ARHGAP28: variants seen among roughly 807,000 people sequenced by gnomAD.
ARHGAP28 encodes the protein Rho GTPase activating protein 28, also known as rho GTPase-activating protein 28.
In ARHGAP28, 56 loss-of-function variants were observed where a neutral mutation model predicts 90.7. The ratio of observed to expected loss-of-function variants is 0.62; its 90% confidence interval spans 0.50 to 0.77. ARHGAP28 has a LOEUF of 0.77. Ranked by LOEUF, ARHGAP28 falls within the 30% of genes least tolerant of loss-of-function variation. The pLI is 0.00. For synonymous variants in ARHGAP28, 308 were observed against 323.3 expected, an observed-to-expected ratio of 0.95 and a Z score of 0.51; for missense variants, 869 against 900.9, an observed-to-expected ratio of 0.96 and a Z score of 0.45.
intron 16 of ARHGAP28, among the ~76,000 whole-genome samples, chr18:6,907,170 A>G (rs111908781): frequency 3.5e-4 from 53 of 152,326 alleles, no homozygotes; most frequent in African/African-American, 1.3e-3. Flanking sequence ...ATACAGGCAA[A>G]GATACAGAGA....
intron 1 of ARHGAP28, among the ~76,000 whole-genome samples, chr18:6,742,160 T>C (rs2055983737): frequency 7.2e-6 from 1 of 139,338 alleles, no homozygotes; most frequent in Non-Finnish European, 1.6e-5. Context: ...TTTTTTCTTT[T>C]TTCTTTTTCT....
intron 1 of ARHGAP28, among the ~76,000 whole-genome samples, chr18:6,739,291 A>T (rs4132206): frequency 0.27 from 41,246 of 152,042 alleles, 6,425 homozygotes; most frequent in South Asian, 0.33. Flanking sequence ...TGCATAGTAG[A>T]GGTTATAAAT....
At chr18:6,870,428 T>C (rs997636144) in intron 6 of ARHGAP28, among the ~76,000 whole-genome samples, 162 bp from the exon 7 acceptor site, 2 of 152,240 alleles carry the variant, frequency 1.3e-5, no homozygotes, top group Non-Finnish European at 2.9e-5. Flanking sequence ...CACTGTTGTT[T>C]AACTGAACTC....
At chr18:6,745,740 G>A (rs1021903455) in intron 1 of ARHGAP28, among the ~76,000 whole-genome samples, 1 of 152,120 alleles carries the variant, frequency 6.6e-6, no homozygotes, top group Non-Finnish European at 1.5e-5. Context: ...TGGCTCCTTC[G>A]CTCATCATAA....
At chr18:6,801,359 A>C (rs957684157) in intron 1 of ARHGAP28, among the ~76,000 whole-genome samples, 1 of 152,168 alleles carries the variant, frequency 6.6e-6, no homozygotes, top group Admixed American at 6.5e-5. Context: ...ATTCTGTTCT[A>C]ATCTGAGTCT....
intron 1 of ARHGAP28, among the ~76,000 whole-genome samples, chr18:6,741,570 C>T (rs1349426496): frequency 5.3e-5 from 8 of 152,100 alleles, no homozygotes; most frequent in Non-Finnish European, 1.2e-4. Context: ...TTATACCAAT[C>T]CTAAACAAAC....
At chr18:6,734,923 G>C (rs2055913042) in intron 1 of ARHGAP28, among the ~76,000 whole-genome samples, 1 of 152,184 alleles carries the variant, frequency 6.6e-6, no homozygotes, top group Admixed American at 6.5e-5. Flanking sequence ...TGGGATCCCT[G>C]CTGAGCGTAG....
chr18:6,853,667 G>T (rs2056928368), intron 4 of ARHGAP28, among the ~76,000 whole-genome samples: 3 of 151,998 alleles, frequency 2.0e-5, no homozygotes. Context: ...TAGAGACAGG[G>T]TTTCACCATG....
At chr18:6,819,731 T>A (rs937539964) in intron 1 of ARHGAP28, among the ~76,000 whole-genome samples, 2 of 152,194 alleles carry the variant, frequency 1.3e-5, no homozygotes, top group African/African-American at 4.8e-5. Context: ...GAGAGAGATC[T>A]CTGTAGTCCC....
chr18:6,888,599 T>G (rs1297872432), intron 12 of ARHGAP28, among the ~76,000 whole-genome samples: 1 of 152,176 alleles, frequency 6.6e-6, no homozygotes, highest in Non-Finnish European at 1.5e-5. Flanking sequence ...AACTGAAAAT[T>G]TATTAGCTTG....
At position 6,887,224 on chromosome 18, in the gene ARHGAP28, C is replaced by G; in HGVS notation, c.1521C>G (p.Asn507Lys). Residue 507 changes from asparagine (N) to lysine (K), a missense_variant, in exon 12 of 18, where the codon AAC becomes AAG. By Grantham distance (94) the Asn-to-Lys change is moderately conservative. Transcript: ENST00000383472. ...TGGTCATGGCGCTGCCTGATGCCAA[C>G]AGAGATGCAGCTCAGGTACGTCGTG... ...HLMVMALPDA[N>K]RDAAQALMTF... The G allele has an allele frequency of 1.2e-6, 2 of 1,614,124 alleles. No homozygotes were observed. Among genetic ancestry groups the G allele is most frequent in the Non-Finnish European group, 1.7e-6 (2 of 1,180,004 alleles).
intron 4 of ARHGAP28, among the ~76,000 whole-genome samples, chr18:6,857,461 T>TGGCAATCTG (rs1321224676): frequency 6.6e-6 from 1 of 152,222 alleles, no homozygotes; most frequent in African/African-American, 2.4e-5. Flanking sequence ...TTGGAATGTG[T>TGGCAATCTG]GGCAATCTGT....
At chr18:6,811,750 T>C (rs2056558671) in intron 1 of ARHGAP28, among the ~76,000 whole-genome samples, 1 of 152,124 alleles carries the variant, frequency 6.6e-6, no homozygotes, top group African/African-American at 2.4e-5. Flanking sequence ...CTTCCTGGGA[T>C]AATAAAACCA....
intron 1 of ARHGAP28, among the ~76,000 whole-genome samples, chr18:6,768,647 A>G (rs912729790): frequency 2.0e-5 from 3 of 152,136 alleles, no homozygotes; most frequent in Non-Finnish European, 4.4e-5. Flanking sequence ...ATATTTAGCA[A>G]CAAATGCAAG....
Position 6,796,248 on chromosome 18 carries a change from T to C in ARHGAP28, c.123-28514T>C, listed in dbSNP as rs2056440817. The stretch of plus-strand genomic sequence containing the variant: ...GTGCATGCACACACGCATTCATGTA[T>C]TTATAAAAATATATACACATCTATA... On this transcript the variant is annotated intron_variant, in intron 1 of 17. Transcript: ENST00000383472. Among the ~76,000 whole-genome samples, 6 of 152,228 alleles carry C rather than the reference T, an allele frequency of 3.9e-5. No homozygotes were observed. In the South Asian group the frequency reaches 8.3e-4, roughly 21 times the overall value.
intron 3 of ARHGAP28, among the ~76,000 whole-genome samples, chr18:6,840,688 T>C (rs2056800408): frequency 6.6e-6 from 1 of 152,182 alleles, no homozygotes. Context: ...CCAGTCCTGC[T>C]GCTGAAGTCT....
At chr18:6,883,513 C>G (rs1375157341) in intron 11 of ARHGAP28, among the ~76,000 whole-genome samples, 1 of 152,154 alleles carries the variant, frequency 6.6e-6, no homozygotes, top group Admixed American at 6.5e-5. Context: ...GCTGGGATTA[C>G]AGGCGTGAGC....
Position 6,882,315 on chromosome 18 carries a change from T to A in ARHGAP28, c.1453+16T>A, listed in dbSNP as rs1296855719. 6.2e-7 allele frequency: 1 copy of A among 1,604,770 alleles called. No individual in the cohort carries two copies. The highest frequency in any genetic ancestry group is 1.3e-5 in the African/African-American group (1 of 74,510). ...CTAATGGAAAGTAGGTGGAAGACGT[T>A]ATATGTGAATACGCTAAGATATAAG... On this transcript the variant is annotated intron_variant, in intron 11 of 17. Transcript: ENST00000383472.
At chr18:6,856,180 G>A (rs985037498) in intron 4 of ARHGAP28, among the ~76,000 whole-genome samples, 1 of 152,078 alleles carries the variant, frequency 6.6e-6, no homozygotes, top group Non-Finnish European at 1.5e-5. Flanking sequence ...TGTTTGCTCT[G>A]TTTTCTAGTT....
Sources: gnomAD v4.1 joint callset for allele counts (sites outside exome capture counted in the v4.1 genomes callset) on GRCh38, gnomAD v4.1.1 for gene constraint, MANE v1.5 for transcripts, NCBI Gene and HGNC (gene_info 2026-07-23, HGNC 2026-07-21) for gene names.